FBXO43: variants seen among roughly 807,000 people sequenced by gnomAD.
The protein encoded by FBXO43 is F-box only protein 43.
Under a neutral mutation model 56.7 loss-of-function variants are expected in FBXO43, and 22 were observed. The ratio of observed to expected loss-of-function variants is 0.39; its 90% confidence interval spans 0.28 to 0.55. The LOEUF (loss-of-function observed/expected upper bound fraction) is 0.55. FBXO43 is among the 20% of genes least tolerant of loss of function. FBXO43 has a pLI of 0.66. For synonymous variants in FBXO43, 306 were observed against 294.5 expected, an observed-to-expected ratio of 1.04 and a Z score of -0.40; for missense variants, 733 against 814.9, an observed-to-expected ratio of 0.90 and a Z score of 1.22.
In FBXO43 at chr8:100,141,071, C is replaced by CT; in HGVS notation, c.1182dup (p.Glu395ArgfsTer12). On this transcript the variant is annotated frameshift_variant, in exon 2 of 5. Coordinates refer to ENST00000428847, the MANE Select transcript of FBXO43 (RefSeq NM_001029860.4). LOFTEE classifies it high-confidence loss of function. ...ACAATCTGCTTTTCCTCTTCTGTCT[C>CT]TGACTGCGAGCTTTGTTCCCGAAGG... 1 of 1,614,204 alleles carries CT rather than the reference C, an allele frequency of 6.2e-7. No homozygotes were observed. The highest frequency in any genetic ancestry group is 8.5e-7 in the Non-Finnish European group (1 of 1,180,032).
intron 3 of FBXO43, 63 bp from the exon 4 acceptor site, chr8:100,134,427 G>GCACTTCTCTTGATTCCCAAGTATCAGTCA: frequency 7.4e-7 from 1 of 1,349,036 alleles, no homozygotes; most frequent in Non-Finnish European, 1.1e-6. Context: ...ATAGCTTTCT[G>GCACTTCTCTTGATTCCCAAGTATCAGTCA]ATGCACACGG....
chr8:100,135,102 G>C (rs1814430795), intron 3 of FBXO43, among the ~76,000 whole-genome samples: 1 of 152,202 alleles, frequency 6.6e-6, no homozygotes, highest in South Asian at 2.1e-4. Context: ...TAGAACGGAA[G>C]TGTAATCATA....
chr8:100,147,654 T>C (rs1814857854), upstream of FBXO43, among the ~76,000 whole-genome samples: 1 of 152,168 alleles, frequency 6.6e-6, no homozygotes, highest in South Asian at 2.1e-4. Flanking sequence ...GGGTGGCTGC[T>C]AGGAGACCAG....
At chr8:100,140,254 A>G (rs1442299947) in intron 2 of FBXO43, among the ~76,000 whole-genome samples, 1 of 152,174 alleles carries the variant, frequency 6.6e-6, no homozygotes, top group Non-Finnish European at 1.5e-5. Context: ...GTGGATCTTG[A>G]GGTCAGGAGA....
chr8:100,133,986 T>A lies in FBXO43; in HGVS notation c.1943A>T (p.Lys648Met). ...KPCPRCQSPA[K>M]YQPYKKRGLC... Reference sequence around the variant, plus strand: ...TCCCCTTTTCTTATATGGCTGGTACTTAGCAGGGGACTGGCACCTTGGGCA... The same window carrying A: ...TCCCCTTTTCTTATATGGCTGGTACATAGCAGGGGACTGGCACCTTGGGCA... Residue 648 changes from lysine (K) to methionine (M), a missense_variant, in exon 5 of 5, where the codon AAG becomes ATG. Coordinates refer to ENST00000428847, the MANE Select transcript of FBXO43 (RefSeq NM_001029860.4). 1 of 1,614,216 alleles carries A rather than the reference T, an allele frequency of 6.2e-7. No individual in the cohort carries two copies. The highest frequency in any genetic ancestry group is 1.1e-5 in the South Asian group (1 of 91,084).
chr8:100,133,912 A>G lies in FBXO43; in HGVS notation c.2017T>C (p.Cys673Arg). 6.2e-7 allele frequency: 1 copy of G among 1,614,202 alleles called. No individual in the cohort carries two copies. Among genetic ancestry groups the G allele is most frequent in the Middle Eastern group, 1.6e-4 (1 of 6,062 alleles). Residue 673 changes from cysteine (C) to arginine (R), a missense_variant, in exon 5 of 5, where the codon TGT (cysteine) becomes CGT (arginine). Cys to Arg is a radical substitution (Grantham distance 180). Transcript: ENST00000428847. ...CATTCTTCAGACCCATGATAAGCACACAGACATAACACACAAAAGTCAAAA... is the reference window on the plus strand; with the variant it reads ...CATTCTTCAGACCCATGATAAGCACGCAGACATAACACACAAAAGTCAAAA... ...CGFDFCVLCLCAYHGSEECSR... is the reference protein window; with the variant it reads ...CGFDFCVLCLRAYHGSEECSR...
intron 1 of FBXO43, among the ~76,000 whole-genome samples, chr8:100,142,545 A>G (rs902740832): frequency 1.3e-5 from 2 of 152,192 alleles, no homozygotes; most frequent in Admixed American, 1.3e-4. Context: ...TTAATATTCC[A>G]GCTTATTTGT....
intron 3 of FBXO43, among the ~76,000 whole-genome samples, chr8:100,134,715 C>T (rs1814418388): frequency 6.6e-6 from 1 of 152,094 alleles, no homozygotes; most frequent in Non-Finnish European, 1.5e-5. Flanking sequence ...CCATGTAGTT[C>T]CAGCTACTCA....
intron 1 of FBXO43, 46 bp from the exon 2 acceptor site, chr8:100,142,214 A>AG: frequency 6.8e-7 from 1 of 1,479,782 alleles, no homozygotes; most frequent in Non-Finnish European, 9.0e-7. Flanking sequence ...ATGAGTATCC[A>AG]GGCAGCTTAT....
At chr8:100,148,874 A>G (rs1334979078), upstream of FBXO43, among the ~76,000 whole-genome samples, 2 of 152,240 alleles carry the variant, frequency 1.3e-5, no homozygotes, top group Non-Finnish European at 2.9e-5. Context: ...ATCTGGATAT[A>G]TTTAAGTGAA....
chr8:100,145,264 T>C lies in FBXO43; in HGVS notation c.-129A>G, dbSNP rs1210979079. ...TGCCGCAGGGATTATTCCTAACACT[T>C]GAGAAGGTCTAAATCATTTTGAATT... On this transcript the variant is annotated 5_prime_UTR_variant, in exon 1 of 5. Coordinates refer to ENST00000428847, the MANE Select transcript of FBXO43 (RefSeq NM_001029860.4). 3.5e-6 allele frequency: 2 copies of C among 568,368 alleles called. No homozygotes were observed. Among genetic ancestry groups the C allele is most frequent in the Non-Finnish European group, 2.9e-6 (1 of 339,466 alleles). The allele number at this position is 568,368 out of a possible 1,614,324, so 35.2% of individuals were successfully genotyped here.
chr8:100,150,502 G>A (rs1267501003), upstream of FBXO43: 4 of 152,230 alleles, frequency 2.6e-5, no homozygotes, highest in Non-Finnish European at 5.9e-5. Flanking sequence ...TAAACCCGTA[G>A]AATCTAATAG....
chr8:100,133,501 A>T lies in FBXO43; in HGVS notation c.*301T>A, dbSNP rs899793801. 1 of 213,308 alleles carries T rather than the reference A, an allele frequency of 4.7e-6. No homozygotes were observed. The highest frequency in any genetic ancestry group is 2.3e-5 in the African/African-American group (1 of 43,504). The allele number at this position is 213,308 out of a possible 1,614,324, so 13.2% of individuals were successfully genotyped here. A position where few individuals can be genotyped will look rare whatever the true frequency, so the allele number is the denominator to read the frequency against. On this transcript the variant is annotated 3_prime_UTR_variant, in exon 5 of 5. Transcript: ENST00000428847. ...AAAAATGATTGAAGAACATGTCAAGAGTGATGAAATGCACAAATTTAAAAT... is the reference window on the plus strand; with the variant it reads ...AAAAATGATTGAAGAACATGTCAAGTGTGATGAAATGCACAAATTTAAAAT...
In FBXO43 at chr8:100,145,184, T is replaced by C. The variant is rs778469182; in HGVS notation, c.-49A>G. ...GGAAAACTTTAGTTTGCACAATTAA[T>C]TGAAAGGTGCAGCAGCATCATGATT... On this transcript the variant is annotated 5_prime_UTR_variant, in exon 1 of 5. Transcript: ENST00000428847. 3.9e-6 allele frequency: 6 copies of C among 1,521,442 alleles called. No individual in the cohort carries two copies. The highest frequency in any genetic ancestry group is 3.5e-5 in the South Asian group (3 of 84,524). The allele number at this position is 1,521,442 out of a possible 1,614,324, so 94.2% of individuals were successfully genotyped here. A position where few individuals can be genotyped will look rare whatever the true frequency, so the allele number is the denominator to read the frequency against.
At chr8:100,146,409 C>T (rs1181241984), upstream of FBXO43, among the ~76,000 whole-genome samples, 1 of 151,990 alleles carries the variant, frequency 6.6e-6, no homozygotes, top group Admixed American at 6.6e-5. Context: ...CCAGCCTGGG[C>T]AACATAGTGA....
At chr8:100,148,612 C>T (rs1814869865), upstream of FBXO43, among the ~76,000 whole-genome samples, 1 of 152,176 alleles carries the variant, frequency 6.6e-6, no homozygotes, top group African/African-American at 2.4e-5. Context: ...GGGGTTTCAT[C>T]ATGTTAGCCA....
rs1385784300 is a variant in FBXO43, at chr8:100,137,817, CA to C, written c.1572-151del. ...TTACATAAAAATGTGACTTGGTCAACATTGTTATTTCATATTAATTCATCAT... is the reference window on the plus strand; with the variant it reads ...TTACATAAAAATGTGACTTGGTCAACTTGTTATTTCATATTAATTCATCAT... On this transcript the variant is annotated intron_variant, in intron 2 of 4. Coordinates refer to ENST00000428847, the MANE Select transcript of FBXO43 (RefSeq NM_001029860.4). 3 of 617,632 alleles carry C rather than the reference CA, an allele frequency of 4.9e-6. No individual in the cohort carries two copies. In the African/African-American group the frequency reaches 5.6e-5, roughly 12 times the overall value. 38.3% of individuals were successfully genotyped at this position (617,632 alleles called of 1,614,324 possible). A position where few individuals can be genotyped will look rare whatever the true frequency, so the allele number is the denominator to read the frequency against.
At chr8:100,135,594 A>G (rs1413574125) in intron 3 of FBXO43, among the ~76,000 whole-genome samples, 1 of 152,102 alleles carries the variant, frequency 6.6e-6, no homozygotes, top group Non-Finnish European at 1.5e-5. Flanking sequence ...AGTGATTGCT[A>G]GAATATAAGG....
At position 100,141,971 on chromosome 8, in the gene FBXO43, C is replaced by T. The variant is rs573399240; in HGVS notation, c.283G>A (p.Gly95Arg). The T allele has an allele frequency of 4.4e-5, 71 of 1,606,318 alleles. No homozygotes were observed. The Middle Eastern group carries it at 1.5e-3, about 34-fold the overall frequency. Residue 95 changes from glycine (G) to arginine (R), a missense_variant, in exon 2 of 5, where the codon GGA (glycine) becomes AGA (arginine). By Grantham distance (125) the Gly-to-Arg change is moderately radical. Transcript: ENST00000428847. ...AATGTTGGGCCTTTTTCTTTCTTTC[C>T]AAGATATTCTTTATCTATATTATCA... is the stretch of plus-strand genomic sequence containing the variant. ...SFDNIDKEYL[G>R]KKEKGPTLLY...
Sources: allele counts gnomAD v4.1 joint callset (sites outside exome capture counted in the v4.1 genomes callset), GRCh38; gene constraint gnomAD v4.1.1; transcripts MANE v1.5; gene names NCBI Gene and HGNC (gene_info 2026-07-23, HGNC 2026-07-21).